MELK: variants seen among roughly 807,000 people sequenced by gnomAD.
MELK encodes maternal embryonic leucine zipper kinase.
MELK carries 81 observed loss-of-function variants against 85.0 expected under a neutral mutation model. That is an observed-to-expected ratio of 0.95 (90% CI 0.80 to 1.15). The LOEUF is 1.15. MELK is among the 50% of genes most tolerant of loss of function. The pLI is 0.00. For missense variants in MELK, 754 were observed against 777.5 expected (o/e 0.97, Z 0.36); for synonymous variants, 252 against 265.0 (o/e 0.95, Z 0.48).
chr9:36,602,257 C>T (rs1274198050), intron 7 of MELK, among the ~76,000 whole-genome samples: 1 of 151,990 alleles, frequency 6.6e-6, no homozygotes, highest in Non-Finnish European at 1.5e-5. Context: ...CTTTGGGAGA[C>T]TGAGGTGGGC....
At chr9:36,592,347 G>C (rs1309867661) in intron 4 of MELK, among the ~76,000 whole-genome samples, 1 of 151,764 alleles carries the variant, frequency 6.6e-6, no homozygotes, top group East Asian at 1.9e-4. Context: ...GTTAATTTTT[G>C]TATTTTTTAG....
intron 11 of MELK, among the ~76,000 whole-genome samples, chr9:36,645,424 T>C (rs1830138245): frequency 1.3e-5 from 2 of 152,134 alleles, no homozygotes; most frequent in Admixed American, 1.3e-4. Context: ...TAACAAAGCA[T>C]AGTAGAAGTT....
chr9:36,645,843 G>A (rs1490051954), intron 11 of MELK, among the ~76,000 whole-genome samples: 1 of 152,180 alleles, frequency 6.6e-6, no homozygotes, highest in Non-Finnish European at 1.5e-5. Flanking sequence ...AGCAGCAGCA[G>A]CATCCAGGTG....
At chr9:36,622,610 T>A (rs143671499) in intron 8 of MELK, among the ~76,000 whole-genome samples, 2 of 152,206 alleles carry the variant, frequency 1.3e-5, no homozygotes, top group Non-Finnish European at 2.9e-5. Flanking sequence ...ACTCCAGCTG[T>A]GGTATACAAA....
chr9:36,582,320 G>A (rs1195380388), intron 2 of MELK, among the ~76,000 whole-genome samples: 1 of 152,174 alleles, frequency 6.6e-6, no homozygotes, highest in Non-Finnish European at 1.5e-5. Flanking sequence ...AGAGTTTTGA[G>A]TTAAGGGGTA....
At chr9:36,600,649 T>C (rs1824825617) in intron 7 of MELK, among the ~76,000 whole-genome samples, 1 of 152,142 alleles carries the variant, frequency 6.6e-6, no homozygotes, top group Non-Finnish European at 1.5e-5. Context: ...CCTCCCAAAG[T>C]GCTGGGATTA....
chr9:36,641,964 T>C (rs906722061), intron 10 of MELK, among the ~76,000 whole-genome samples: 3 of 152,162 alleles, frequency 2.0e-5, no homozygotes, highest in African/African-American at 4.8e-5. Flanking sequence ...CTTCTCTTCC[T>C]GTGTAATCTT....
chr9:36,580,038 C>CTTTTTTTTT (rs58166111), intron 1 of MELK, among the ~76,000 whole-genome samples: 16 of 117,940 alleles, frequency 1.4e-4, no homozygotes, highest in East Asian at 5.0e-4. Context: ...TTCATGTCTT[C>CTTTTTTTTT]TTTTTTTTTT....
intron 7 of MELK, among the ~76,000 whole-genome samples, chr9:36,599,822 T>TA (rs1162685315): frequency 1.3e-5 from 2 of 152,196 alleles, no homozygotes; most frequent in Admixed American, 6.5e-5. Context: ...AGATGCTGGT[T>TA]AGCACAGAGA....
In MELK at chr9:36,677,536, A is replaced by G. The variant is rs1249930947; in HGVS notation, c.*199A>G. 9.2e-6 allele frequency: 4 copies of G among 435,440 alleles called. No individual in the cohort carries two copies. The highest frequency in any genetic ancestry group is 1.6e-5 in the Non-Finnish European group (4 of 253,770). 27.0% of individuals were successfully genotyped at this position (435,440 alleles called of 1,614,324 possible). ...ATCTAAATCAAGCCCATCTGTCATT[A>G]TGTTACTGTCTTTTTTAATCATGTG... On this transcript the variant is annotated 3_prime_UTR_variant, in exon 18 of 18. Coordinates refer to ENST00000298048, the MANE Select transcript of MELK (RefSeq NM_014791.4).
intron 13 of MELK, 84 bp downstream of exon 13, chr9:36,657,447 C>A: frequency 7.0e-7 from 1 of 1,433,176 alleles, no homozygotes; most frequent in Non-Finnish European, 9.3e-7. Context: ...CCAAGGTGTG[C>A]TTGCAAATTT....
intron 3 of MELK, among the ~76,000 whole-genome samples, chr9:36,586,447 AC>A (rs1822912430): frequency 6.6e-6 from 1 of 152,156 alleles, no homozygotes; most frequent in South Asian, 2.1e-4. Flanking sequence ...TCATACAATG[AC>A]CAGTATAAGA....
At chr9:36,611,206 A>G (rs1472493793) in intron 8 of MELK, among the ~76,000 whole-genome samples, 2 of 152,190 alleles carry the variant, frequency 1.3e-5, no homozygotes, top group Non-Finnish European at 2.9e-5. Context: ...CTCCATCCCA[A>G]AGAAATAAGC....
rs527798305 is a variant in MELK at position 36,666,480 on chromosome 9, C to T, written c.1408+899C>T. ...TATGTAATGAATTAATAAATTAGAGCCCAAAGGAATTTTATTTACAGTGAT... is the reference window on the plus strand; with the variant it reads ...TATGTAATGAATTAATAAATTAGAGTCCAAAGGAATTTTATTTACAGTGAT... On this transcript the variant is annotated intron_variant, in intron 14 of 17. Coordinates refer to ENST00000298048, the MANE Select transcript of MELK (RefSeq NM_014791.4). Among the ~76,000 whole-genome samples the T allele has an allele frequency of 5.3e-5, 8 of 152,222 alleles. No homozygotes were observed. The South Asian group carries it at 1.7e-3, about 32-fold the overall frequency.
chr9:36,641,761 C>T (rs1015569509), intron 10 of MELK, among the ~76,000 whole-genome samples: 6 of 151,984 alleles, frequency 3.9e-5, no homozygotes, highest in African/African-American at 1.2e-4. Context: ...GCATGCACCA[C>T]CACGCCTGGC....
At chr9:36,656,632 CT>C (rs1362266273) in intron 12 of MELK, among the ~76,000 whole-genome samples, 3 of 150,606 alleles carry the variant, frequency 2.0e-5, no homozygotes, top group Non-Finnish European at 4.4e-5. Flanking sequence ...CTTTTTTTTT[CT>C]TTCTTTTTTT....
intron 10 of MELK, among the ~76,000 whole-genome samples, chr9:36,636,341 A>G (rs560369619): frequency 5.8e-4 from 88 of 151,930 alleles, no homozygotes; most frequent in Non-Finnish European, 9.7e-4. Flanking sequence ...CGTTTCTAGT[A>G]AAAATACAAA....
At position 36,651,767 on chromosome 9, in the gene MELK, G is replaced by A; in HGVS notation, c.943G>A (p.Ala315Thr). 3 of 1,613,868 alleles carry A rather than the reference G, an allele frequency of 1.9e-6. No individual in the cohort carries two copies. Among genetic ancestry groups the A allele is most frequent in the African/African-American group, 1.3e-5 (1 of 75,016 alleles). ...ISLWQYDHLT[A>T]TYLLLLAKKA... The stretch of plus-strand genomic sequence containing the variant: ...TTAGTGGCAGTATGATCACCTCACG[G>A]CTACCTATCTTCTGCTTCTAGCCAA... The change falls in exon 12 of 18, where the codon GCT becomes ACT. Residue 315 changes from alanine (A) to threonine (T), a missense_variant. Coordinates refer to ENST00000298048, the MANE Select transcript of MELK (RefSeq NM_014791.4).
intron 4 of MELK, 114 bp downstream of exon 4, chr9:36,589,766 T>G (rs1823338921): frequency 1.4e-6 from 1 of 722,408 alleles, no homozygotes; most frequent in South Asian, 1.8e-5. Flanking sequence ...TTACCTGTTT[T>G]GTTCCATTTG....
Sources: gnomAD v4.1 joint callset for allele counts (sites outside exome capture counted in the v4.1 genomes callset) on GRCh38, gnomAD v4.1.1 for gene constraint, MANE v1.5 for transcripts, NCBI Gene and HGNC (gene_info 2026-07-23, HGNC 2026-07-21) for gene names.